The following SUCLG2 variants were observed in gnomAD, a reference collection of about 807,000 sequenced individuals.
SUCLG2 encodes the protein succinate-CoA ligase GDP-forming subunit beta.
In SUCLG2, 42 loss-of-function variants were observed where a neutral mutation model predicts 47.9. The observed-to-expected ratio is 0.88, with a 90% CI of 0.69 to 1.14. The LOEUF (loss-of-function observed/expected upper bound fraction) is 1.14, where lower values mean the gene tolerates loss of function less well. Among genes scored for constraint, SUCLG2 ranks in the 50% most tolerant of loss-of-function variants. The pLI is 0.00. For missense variants in SUCLG2, 571 were observed against 525.9 expected (o/e 1.09, Z -0.84); for synonymous variants, 195 against 197.3 (o/e 0.99, Z 0.10).
intron 1 of SUCLG2, among the ~76,000 whole-genome samples, chr3:67,620,578 C>T (rs1419823729): frequency 8.5e-5 from 4 of 47,280 alleles, no homozygotes; most frequent in African/African-American, 3.9e-4. Flanking sequence ...CAGTGAGACT[C>T]CATCTCAAAA....
chr3:67,640,432 C>A (rs1441021692), intron 1 of SUCLG2, among the ~76,000 whole-genome samples: 8 of 152,206 alleles, frequency 5.3e-5, no homozygotes, highest in African/African-American at 1.9e-4. Context: ...ACAGGCACAA[C>A]TGAACCTTTT....
intron 2 of SUCLG2, among the ~76,000 whole-genome samples, chr3:67,603,916 T>C (rs1275413095): frequency 6.6e-6 from 1 of 152,120 alleles, no homozygotes; most frequent in African/African-American, 2.4e-5. Flanking sequence ...ATTTAATCCA[T>C]AAGAGAAAAA....
intron 2 of SUCLG2, among the ~76,000 whole-genome samples, chr3:67,546,175 C>T (rs1255126226): frequency 6.6e-6 from 1 of 152,132 alleles, no homozygotes; most frequent in Non-Finnish European, 1.5e-5. Flanking sequence ...AATTAACAAG[C>T]TGGTATAAAT....
intron 1 of SUCLG2, among the ~76,000 whole-genome samples, chr3:67,614,015 G>A (rs975779831): frequency 6.6e-6 from 1 of 152,176 alleles, no homozygotes; most frequent in African/African-American, 2.4e-5. Flanking sequence ...ATGTGAATAG[G>A]TGTTGTCCTA....
intron 9 of SUCLG2, among the ~76,000 whole-genome samples, chr3:67,479,329 T>A (rs1704848765): frequency 6.6e-6 from 1 of 152,158 alleles, no homozygotes; most frequent in Admixed American, 6.5e-5. Flanking sequence ...TAAATTCTAT[T>A]TTTAAAAAAA....
intron 9 of SUCLG2, chr3:67,408,921 C>T: frequency 6.6e-7 from 1 of 1,526,550 alleles, no homozygotes; most frequent in Non-Finnish European, 8.7e-7. Flanking sequence ...TCAGAGACTC[C>T]CAAGATGAGT....
intron 10 of SUCLG2, among the ~76,000 whole-genome samples, chr3:67,381,092 G>T (rs897618908): frequency 2.0e-5 from 3 of 152,046 alleles, no homozygotes; most frequent in Admixed American, 2.0e-4. Flanking sequence ...TCAGAGGACC[G>T]CTTGAGCACA....
At chr3:67,539,803 C>T (rs1299689336) in intron 2 of SUCLG2, among the ~76,000 whole-genome samples, 1 of 152,128 alleles carries the variant, frequency 6.6e-6, no homozygotes, top group African/African-American at 2.4e-5. Context: ...TGTATGTGAC[C>T]AGGAATTCAT....
intron 1 of SUCLG2, among the ~76,000 whole-genome samples, chr3:67,618,450 A>C (rs116676486): frequency 0.012 from 1,886 of 152,298 alleles, 48 homozygotes; most frequent in African/African-American, 0.042. Context: ...ACTATAAGTA[A>C]ATTTACTTTT....
chr3:67,654,397 G>A, intron 1 of SUCLG2, 106 bp downstream of exon 1: 1 of 957,322 alleles, frequency 1.0e-6, no homozygotes, highest in Non-Finnish European at 1.4e-6. Flanking sequence ...GGCGCCCGAG[G>A]GGCCGCGCAG....
intron 9 of SUCLG2, among the ~76,000 whole-genome samples, chr3:67,452,637 CCCTT>C: frequency 6.6e-6 from 1 of 152,270 alleles, no homozygotes; most frequent in Admixed American, 6.5e-5. Flanking sequence ...AGCTCTTCCT[CCCTT>C]CCCACTCTTC....
At chr3:67,460,008 C>T (rs569861460) in intron 9 of SUCLG2, among the ~76,000 whole-genome samples, 12 of 152,276 alleles carry the variant, frequency 7.9e-5, no homozygotes, top group Non-Finnish European at 1.3e-4. Context: ...CTTTTGTTTA[C>T]ATATCACTGG....
At chr3:67,469,291 T>C (rs906520481) in intron 9 of SUCLG2, among the ~76,000 whole-genome samples, 1 of 152,160 alleles carries the variant, frequency 6.6e-6, no homozygotes, top group Admixed American at 6.5e-5. Flanking sequence ...ACTGTGACTG[T>C]CATGAGAGAT....
chr3:67,450,084 C>A (rs1039680586), intron 9 of SUCLG2, among the ~76,000 whole-genome samples: 1 of 151,950 alleles, frequency 6.6e-6, no homozygotes, highest in African/African-American at 2.4e-5. Flanking sequence ...CTCTGTTGCC[C>A]AGGCTGAAGT....
chr3:67,444,137 C>T (rs867308175), intron 9 of SUCLG2, among the ~76,000 whole-genome samples: 1,438 of 62,772 alleles, frequency 0.023, 56 homozygotes, highest in Non-Finnish European at 0.031. Context: ...CCTGGCCAGC[C>T]GTGCCGTCCG....
Position 67,578,867 on chromosome 3 carries a change from G to C in SUCLG2, c.226+30588C>G, listed in dbSNP as rs143496502. 1.7e-3 allele frequency among the ~76,000 whole-genome samples: 260 copies of C among 152,328 alleles called. 4 individuals are homozygous for C. The East Asian group carries it at 0.035, about 21-fold the overall frequency. On this transcript the variant is annotated intron_variant, in intron 2 of 10. Transcript: ENST00000307227. ...ATGGGACTGAACCTGGGCCTCAGAGGAGAAAAAGGGTTCCCAGGCAGGAGA... is the reference window on the plus strand; with the variant it reads ...ATGGGACTGAACCTGGGCCTCAGAGCAGAAAAAGGGTTCCCAGGCAGGAGA...
At chr3:67,405,045 A>G (rs1702770950) in intron 9 of SUCLG2, among the ~76,000 whole-genome samples, 1 of 151,328 alleles carries the variant, frequency 6.6e-6, no homozygotes. Context: ...GAAGATCCCA[A>G]GTGCTTTTGG....
chr3:67,521,974 T>C (rs1706121161), intron 4 of SUCLG2, among the ~76,000 whole-genome samples: 3 of 152,120 alleles, frequency 2.0e-5, no homozygotes, highest in Admixed American at 1.3e-4. Context: ...TCTTCTCTCT[T>C]CATTGTGATT....
intron 10 of SUCLG2, among the ~76,000 whole-genome samples, chr3:67,364,715 A>G (rs1701854047): frequency 6.6e-6 from 1 of 152,220 alleles, no homozygotes; most frequent in Non-Finnish European, 1.5e-5. Flanking sequence ...GATTTAAACA[A>G]GATCCAAAGT....
Sources: allele counts gnomAD v4.1 joint callset (sites outside exome capture counted in the v4.1 genomes callset), GRCh38; gene constraint gnomAD v4.1.1; transcripts MANE v1.5; gene names NCBI Gene and HGNC (gene_info 2026-07-23, HGNC 2026-07-21).